The following PXK variants were observed in gnomAD, a reference collection of about 807,000 sequenced individuals.
PXK encodes PX domain-containing protein kinase-like protein.
In PXK, 35 loss-of-function variants were observed where a neutral mutation model predicts 84.7. That is an observed-to-expected ratio of 0.41 (90% CI 0.32 to 0.55). PXK has a LOEUF of 0.55. PXK is among the 20% of genes least tolerant of loss of function. The probability of loss-of-function intolerance (pLI) is 0.21; values close to 1 mark genes in which losing one functional copy is unlikely to be tolerated. For synonymous variants in PXK, 253 were observed against 260.8 expected (o/e 0.97, Z 0.29); for missense variants, 634 against 699.7 (o/e 0.91, Z 1.06).
At chr3:58,344,451 A>T (rs2097783218) in intron 1 of PXK, among the ~76,000 whole-genome samples, 1 of 152,166 alleles carries the variant, frequency 6.6e-6, no homozygotes, top group Non-Finnish European at 1.5e-5. Context: ...ACGTTTTGAC[A>T]GCCATGCTTG....
At chr3:58,410,664 C>T (rs947043586) in intron 16 of PXK, among the ~76,000 whole-genome samples, 1 of 152,232 alleles carries the variant, frequency 6.6e-6, no homozygotes, top group East Asian at 1.9e-4. Context: ...CTGCCACTCC[C>T]AGCTGCCCTT....
At chr3:58,424,478 A>C (rs1301085746) in intron 17 of PXK, among the ~76,000 whole-genome samples, 1 of 152,192 alleles carries the variant, frequency 6.6e-6, no homozygotes, top group Non-Finnish European at 1.5e-5. Context: ...CTATGCAGAG[A>C]ATGTCACCAT....
chr3:58,372,790 C>T (rs953687825), intron 3 of PXK, among the ~76,000 whole-genome samples: 3 of 151,144 alleles, frequency 2.0e-5, no homozygotes, highest in Non-Finnish European at 4.4e-5. Context: ...CCATGCCCGG[C>T]TAATTTTTGT....
intron 3 of PXK, among the ~76,000 whole-genome samples, chr3:58,378,513 TGTGTG>T (rs1323158767): frequency 5.9e-4 from 15 of 25,234 alleles, no homozygotes; most frequent in South Asian, 3.0e-3. Flanking sequence ...TTTTTTTTTT[TGTGTG>T]TGTGTGTGTG....
At chr3:58,360,291 T>C (rs1446567744) in intron 1 of PXK, among the ~76,000 whole-genome samples, 1 of 152,228 alleles carries the variant, frequency 6.6e-6, no homozygotes, top group Non-Finnish European at 1.5e-5. Context: ...AGGCAGAAGT[T>C]CCTGCTTATT....
rs1206530126 is a variant in PXK at position 58,388,591 on chromosome 3, A to G, written c.389-1991A>G. ...AAGTCTGTGTGTTTCTGCTGCACCC[A>G]GATCTTCCAGATGGTTTGTCACACT... On this transcript the variant is annotated intron_variant, in intron 4 of 17. Coordinates refer to ENST00000356151, the MANE Select transcript of PXK (RefSeq NM_017771.5). 8.5e-5 allele frequency among the ~76,000 whole-genome samples: 13 copies of G among 152,358 alleles called. No individual in the cohort carries two copies. In the East Asian group the frequency reaches 2.5e-3, roughly 29 times the overall value.
At chr3:58,349,531 T>C (rs1190317775) in intron 1 of PXK, among the ~76,000 whole-genome samples, 1 of 151,916 alleles carries the variant, frequency 6.6e-6, no homozygotes, top group Non-Finnish European at 1.5e-5. Context: ...AATTTTTGTA[T>C]TTTTAGTAGA....
chr3:58,345,398 T>C (rs1318128777), intron 1 of PXK, among the ~76,000 whole-genome samples: 1 of 152,198 alleles, frequency 6.6e-6, no homozygotes, highest in East Asian at 1.9e-4. Context: ...AAAAATTGTT[T>C]GGGATCTGAA....
chr3:58,340,423 T>G (rs1187415937), intron 1 of PXK, among the ~76,000 whole-genome samples: 1 of 149,916 alleles, frequency 6.7e-6, no homozygotes, highest in African/African-American at 2.4e-5. Flanking sequence ...GCACCAAGCC[T>G]AGATTGTTGA....
intron 1 of PXK, among the ~76,000 whole-genome samples, chr3:58,342,648 A>AAAAAG (rs66993407): frequency 6.0e-5 from 4 of 66,766 alleles, no homozygotes; most frequent in Non-Finnish European, 1.1e-4. Context: ...AAAAAAAAAA[A>AAAAAG]AAAGAAAAGA....
In PXK at chr3:58,412,507, C is replaced by T. The variant is rs2060350943; in HGVS notation, c.1466-394C>T. Among the ~76,000 whole-genome samples, 1 of 152,100 alleles carries T rather than the reference C, an allele frequency of 6.6e-6. No homozygotes were observed. Among genetic ancestry groups the T allele is most frequent in the South Asian group, 2.1e-4 (1 of 4,830 alleles). Reference sequence around the variant, plus strand: ...ACGGGGCACTCCCTTCCTTTGGAAGCCCCCAGCAGGCTGCTCTGCACCTCT... The same window carrying T: ...ACGGGGCACTCCCTTCCTTTGGAAGTCCCCAGCAGGCTGCTCTGCACCTCT... On this transcript the variant is annotated intron_variant, in intron 16 of 17. Transcript: ENST00000356151. The surrounding 1 kb of genome is among the most constrained non-coding windows in gnomAD (Gnocchi z 6.2).
chr3:58,420,658 G>T, intron 17 of PXK: 1 of 1,526,888 alleles, frequency 6.5e-7, no homozygotes, highest in South Asian at 1.2e-5. Context: ...TTGCTGAAGT[G>T]ATGAACAAGT....
Position 58,413,171 on chromosome 3 carries a change from G to T in PXK, c.1528+208G>T, listed in dbSNP as rs752962070. On this transcript the variant is annotated intron_variant, in intron 17 of 17. Transcript: ENST00000356151. ...GCTCGGCTTTCACAGGGAATGGACC[G>T]GTTTCAGGGCCACTAGCCACCCCCG... The T allele has an allele frequency of 3.6e-5, 22 of 609,788 alleles. No homozygotes were observed. In the East Asian group the frequency reaches 6.2e-4, roughly 17 times the overall value. 37.8% of individuals were successfully genotyped at this position (609,788 alleles called of 1,614,324 possible). A position where few individuals can be genotyped will look rare whatever the true frequency, so the allele number is the denominator to read the frequency against.
chr3:58,425,718 G>C lies in PXK; in HGVS notation c.*758G>C, dbSNP rs4075403. The C allele has an allele frequency of 0.073, 11,080 of 152,246 alleles. 520 individuals carry two copies. Among genetic ancestry groups the C allele is most frequent in the South Asian group, 0.1 (493 of 4,830 alleles). 9.4% of individuals were successfully genotyped at this position (152,246 alleles called of 1,614,324 possible). On this transcript the variant is annotated 3_prime_UTR_variant, in exon 18 of 18. Transcript: ENST00000356151. Reference sequence around the variant, plus strand: ...TCAGCAATTAAGTTTGGGGTTTGAGGGGGGCAGGTCATTGTTACAACAGAA... The same window carrying C: ...TCAGCAATTAAGTTTGGGGTTTGAGCGGGGCAGGTCATTGTTACAACAGAA...
chr3:58,347,612 A>G (rs2097847349), intron 1 of PXK, among the ~76,000 whole-genome samples: 1 of 152,184 alleles, frequency 6.6e-6, no homozygotes, highest in Non-Finnish European at 1.5e-5. Context: ...AACATTTGTT[A>G]TCCATTCACC....
At chr3:58,403,738 G>A in intron 12 of PXK, 124 bp from the exon 13 acceptor site, 1 of 460,938 alleles carries the variant, frequency 2.2e-6, no homozygotes, top group Non-Finnish European at 3.8e-6. Flanking sequence ...TTGGGCCAGG[G>A]GCTGGAGGAT....
chr3:58,359,289 T>G (rs1055393773), intron 1 of PXK, among the ~76,000 whole-genome samples: 2 of 152,056 alleles, frequency 1.3e-5, no homozygotes, highest in African/African-American at 2.4e-5. Context: ...CCCAGCACTT[T>G]GGGAGGGCGA....
Position 58,378,492 on chromosome 3 carries a change from C to CTTCTTT in PXK, c.202-4020_202-4019insCTTTTT, listed in dbSNP as rs1451583616. Among the ~76,000 whole-genome samples the CTTCTTT allele has an allele frequency of 1.0e-3, 25 of 24,322 alleles. 4 individuals are homozygous for CTTCTTT. The highest frequency in any genetic ancestry group is 7.8e-3 in the East Asian group (3 of 386). The allele number at this position is 24,322 out of a possible 152,430, so 16.0% of individuals were successfully genotyped here. A position where few individuals can be genotyped will look rare whatever the true frequency, so the allele number is the denominator to read the frequency against. On this transcript the variant is annotated intron_variant, in intron 3 of 17. Coordinates refer to ENST00000356151, the MANE Select transcript of PXK (RefSeq NM_017771.5). Reference sequence around the variant, plus strand: ...ATTGGATTTGGACTTCATTTTTCTTCTTTTTTTTTTTTTTTTTTTTTGTGT... The same window carrying CTTCTTT: ...ATTGGATTTGGACTTCATTTTTCTTCTTCTTTTTTTTTTTTTTTTTTTTTTTTGTGT...
At chr3:58,378,650 T>TC (rs2098468899) in intron 3 of PXK, among the ~76,000 whole-genome samples, 1 of 150,614 alleles carries the variant, frequency 6.6e-6, no homozygotes, top group African/African-American at 2.4e-5. Context: ...TTCTCCTGCC[T>TC]CAGCCTCCTG....
Sources: allele counts gnomAD v4.1 joint callset (sites outside exome capture counted in the v4.1 genomes callset), GRCh38; gene constraint gnomAD v4.1.1; non-coding constraint Gnocchi (gnomAD v3.1); transcripts MANE v1.5; gene names NCBI Gene and HGNC (gene_info 2026-07-23, HGNC 2026-07-21).